Variants in LRFN2 observed in about 807,000 individuals in gnomAD.
LRFN2 encodes the protein leucine-rich repeat and fibronectin type-III domain-containing protein 2.
Under a neutral mutation model 37.3 loss-of-function variants are expected in LRFN2, and 18 were observed. The ratio of observed to expected loss-of-function variants is 0.48; its 90% CI spans 0.33 to 0.72. The LOEUF (loss-of-function observed/expected upper bound fraction) is 0.72. Ranked by LOEUF, LRFN2 falls within the 30% of genes least tolerant of loss-of-function variation. The pLI is 0.02. For missense variants in LRFN2, 1,006 were observed against 1,060.7 expected (o/e 0.95, Z 0.72); for synonymous variants, 556 against 466.6 (o/e 1.19, Z -2.47).
intron 1 of LRFN2, among the ~76,000 whole-genome samples, chr6:40,498,098 A>G (rs1195336994): frequency 6.6e-6 from 1 of 152,146 alleles, no homozygotes; most frequent in Non-Finnish European, 1.5e-5. Flanking sequence ...TGGAGGCAAC[A>G]TTGACTCTAC....
rs1043334996 is a variant in LRFN2, at chr6:40,409,434, C to T, written c.1401-16522G>A. On this transcript the variant is annotated intron_variant, in intron 2 of 2. Transcript: ENST00000338305. Reference sequence around the variant, plus strand: ...ATGGTGTCTTTGTGAAAATTAAGTACTATGATATTTGTTCAGTACAGAGTA... The same window carrying T: ...ATGGTGTCTTTGTGAAAATTAAGTATTATGATATTTGTTCAGTACAGAGTA... Among the ~76,000 whole-genome samples, 30 of 152,152 alleles carry T rather than the reference C, an allele frequency of 2.0e-4. 1 individual carries two copies. Among genetic ancestry groups the T allele is most frequent in the Admixed American group, 1.0e-3 (16 of 15,270 alleles).
At chr6:40,474,267 T>C (rs1277883193) in intron 1 of LRFN2, among the ~76,000 whole-genome samples, 1 of 152,206 alleles carries the variant, frequency 6.6e-6, no homozygotes. Context: ...CAGGCCCATA[T>C]TCTTTCAGGA....
intron 2 of LRFN2, among the ~76,000 whole-genome samples, chr6:40,430,562 A>T (rs1386796871): frequency 1.3e-5 from 2 of 152,182 alleles, no homozygotes; most frequent in Non-Finnish European, 2.9e-5. Flanking sequence ...ATATAAGGGA[A>T]CTCATCTGTG....
intron 1 of LRFN2, among the ~76,000 whole-genome samples, chr6:40,560,691 G>T (rs901936584): frequency 1.3e-5 from 2 of 152,214 alleles, no homozygotes; most frequent in African/African-American, 4.8e-5. Context: ...AGCATGCTCA[G>T]TAGAGCAGGA....
chr6:40,477,149 G>A (rs1398294558), intron 1 of LRFN2, among the ~76,000 whole-genome samples: 1 of 152,226 alleles, frequency 6.6e-6, no homozygotes, highest in Non-Finnish European at 1.5e-5. Context: ...TTCTGGGAAT[G>A]GGACCCAGAG....
intron 1 of LRFN2, among the ~76,000 whole-genome samples, chr6:40,463,189 A>G (rs1192492481): frequency 6.6e-6 from 1 of 152,186 alleles, no homozygotes; most frequent in African/African-American, 2.4e-5. Flanking sequence ...TAAGAGGAAA[A>G]TAAACTTCTA....
intron 1 of LRFN2, among the ~76,000 whole-genome samples, chr6:40,557,859 C>T (rs1299764254): frequency 6.6e-6 from 1 of 152,208 alleles, no homozygotes; most frequent in African/African-American, 2.4e-5. Context: ...ATGTTTGTCA[C>T]ACAGCAACTT....
chr6:40,493,166 C>A (rs1044434412), intron 1 of LRFN2, among the ~76,000 whole-genome samples: 1 of 152,056 alleles, frequency 6.6e-6, no homozygotes, highest in African/African-American at 2.4e-5. Flanking sequence ...GCACTGAGAC[C>A]CGAGCCAAGG....
At chr6:40,396,686 CTGTGTGTGTGTGTGTGTGTGTGTGTGTG>C (rs3997706) in intron 2 of LRFN2, among the ~76,000 whole-genome samples, 1 of 135,134 alleles carries the variant, frequency 7.4e-6, no homozygotes, top group Non-Finnish European at 1.6e-5. Context: ...TTCCTCTGCT[CTGTGTGTGTGTGTGTGTGTGTGTGTGTG>C]TGTGTGTGTG....
At chr6:40,535,143 C>G (rs1766424280) in intron 1 of LRFN2, among the ~76,000 whole-genome samples, 2 of 152,170 alleles carry the variant, frequency 1.3e-5, no homozygotes, top group Non-Finnish European at 2.9e-5. Context: ...GTTTCTATAG[C>G]ATGGGAAGCC....
intron 1 of LRFN2, among the ~76,000 whole-genome samples, chr6:40,571,998 C>A (rs1767197735): frequency 6.6e-6 from 1 of 152,192 alleles, no homozygotes; most frequent in Admixed American, 6.5e-5. Flanking sequence ...GGCTCCGAAA[C>A]AGGTTTCCTG....
chr6:40,495,179 G>T (rs1047679811), intron 1 of LRFN2, among the ~76,000 whole-genome samples: 4 of 152,010 alleles, frequency 2.6e-5, no homozygotes, highest in African/African-American at 9.7e-5. Context: ...CATTTTCCCT[G>T]CCTGGTCCTC....
intron 1 of LRFN2, among the ~76,000 whole-genome samples, chr6:40,474,993 G>T (rs745881529): frequency 5.9e-5 from 9 of 152,142 alleles, no homozygotes; most frequent in Non-Finnish European, 7.3e-5. Flanking sequence ...CCCAAGGGTG[G>T]TCCTGAAGAG....
At chr6:40,414,625 T>C (rs1763055064) in intron 2 of LRFN2, among the ~76,000 whole-genome samples, 2 of 152,200 alleles carry the variant, frequency 1.3e-5, no homozygotes, top group African/African-American at 2.4e-5. Context: ...TTATTTCCAA[T>C]CAAAGAAATG....
At chr6:40,494,174 C>T (rs1008857366) in intron 1 of LRFN2, among the ~76,000 whole-genome samples, 3 of 152,206 alleles carry the variant, frequency 2.0e-5, no homozygotes, top group Non-Finnish European at 2.9e-5. Flanking sequence ...GGAGACAGGA[C>T]ATCGGTTTCC....
chr6:40,456,205 G>A, intron 1 of LRFN2, among the ~76,000 whole-genome samples: 1 of 152,226 alleles, frequency 6.6e-6, no homozygotes, highest in East Asian at 1.9e-4. Context: ...GAGCAAAGAA[G>A]TCACAGAAAC....
intron 1 of LRFN2, among the ~76,000 whole-genome samples, chr6:40,439,184 A>G (rs4714347): frequency 0.14 from 21,583 of 152,140 alleles, 2,058 homozygotes; most frequent in African/African-American, 0.24. Context: ...ATTTCCATTT[A>G]AAAGATACCT....
chr6:40,579,036 C>T (rs938252736), intron 1 of LRFN2, among the ~76,000 whole-genome samples: 2 of 152,186 alleles, frequency 1.3e-5, no homozygotes, highest in Non-Finnish European at 2.9e-5. Flanking sequence ...AAGGACTGGT[C>T]TTTGCTCATC....
chr6:40,549,587 C>G (rs1024686017), intron 1 of LRFN2, among the ~76,000 whole-genome samples: 1 of 152,116 alleles, frequency 6.6e-6, no homozygotes, highest in African/African-American at 2.4e-5. Flanking sequence ...GGCCTATAAT[C>G]CAAATTTCCT....
Sources: gnomAD v4.1 joint callset for allele counts (sites outside exome capture counted in the v4.1 genomes callset) on GRCh38, gnomAD v4.1.1 for gene constraint, MANE v1.5 for transcripts, NCBI Gene and HGNC (gene_info 2026-07-23, HGNC 2026-07-21) for gene names.